Variants in GALNT10 observed in about 807,000 individuals in gnomAD.
GALNT10 encodes GalNAc transferase 10.
In GALNT10, 41 loss-of-function variants were observed where a neutral mutation model predicts 75.0. The observed-to-expected ratio is 0.55, with a 90% confidence interval of 0.43 to 0.71. GALNT10 has a LOEUF of 0.71. Ranked by LOEUF, GALNT10 falls within the 30% of genes least tolerant of loss-of-function variation. GALNT10 has a pLI of 0.00. For synonymous variants in GALNT10, 302 were observed against 313.0 expected (o/e 0.96, Z 0.37); for missense variants, 727 against 818.5 (o/e 0.89, Z 1.36).
At chr5:154,247,494 T>C (rs1336512432) in intron 1 of GALNT10, among the ~76,000 whole-genome samples, 3 of 152,212 alleles carry the variant, frequency 2.0e-5, no homozygotes, top group African/African-American at 7.2e-5. Context: ...CATTGAGCAG[T>C]CGTTTGTAGT....
rs370371473 is a variant in GALNT10 at position 154,412,907 on chromosome 5, G to C, written c.1405G>C (p.Gly469Arg). 72 of 1,612,464 alleles carry C rather than the reference G, an allele frequency of 4.5e-5. No homozygotes were observed. The highest frequency in any genetic ancestry group is 1.6e-4 in the Middle Eastern group (1 of 6,084). The change falls in exon 10 of 12, where the codon GGG becomes CGG. Residue 469 changes from glycine to arginine, a missense_variant. Gly to Arg is a moderately radical substitution (Grantham distance 125, BLOSUM62 -2). Coordinates refer to ENST00000297107, the MANE Select transcript of GALNT10 (RefSeq NM_198321.4). The surrounding 1 kb of genome is among the most constrained non-coding windows in gnomAD (Gnocchi z 4.2). ...AWGEIRNVGT[G>R]LCADTKHGAL... ...CTTTCAGATCCGAAATGTGGGCACA[G>C]GGCTGTGTGCAGACACAAAGCACGG...
intron 6 of GALNT10, among the ~76,000 whole-genome samples, chr5:154,384,531 A>C (rs1274676892): frequency 6.6e-6 from 1 of 152,188 alleles, no homozygotes; most frequent in Non-Finnish European, 1.5e-5. Flanking sequence ...AGCACATGTC[A>C]GTTCATACCA....
At chr5:154,329,253 A>T (rs1256951449) in intron 3 of GALNT10, among the ~76,000 whole-genome samples, 1 of 152,224 alleles carries the variant, frequency 6.6e-6, no homozygotes, top group African/African-American at 2.4e-5. Context: ...TATAGTTCTT[A>T]TTATAAATCA....
At chr5:154,215,607 G>T (rs1411906517) in intron 1 of GALNT10, among the ~76,000 whole-genome samples, 3 of 152,196 alleles carry the variant, frequency 2.0e-5, no homozygotes, top group Admixed American at 6.5e-5. Flanking sequence ...CTGCCTTTTA[G>T]TTCTTCTAGA....
chr5:154,383,971 C>T (rs1755771854), intron 6 of GALNT10, among the ~76,000 whole-genome samples: 1 of 152,184 alleles, frequency 6.6e-6, no homozygotes, highest in Non-Finnish European at 1.5e-5. Flanking sequence ...AAGAAACTTA[C>T]AGTCATGGCA....
At chr5:154,344,205 CTTTCTTTTTT>C (rs1232689063) in intron 4 of GALNT10, among the ~76,000 whole-genome samples, 2 of 99,468 alleles carry the variant, frequency 2.0e-5, no homozygotes, top group African/African-American at 5.8e-5. Flanking sequence ...TTCTTTCTTT[CTTTCTTTTTT>C]TTTTTTTTTT....
intron 4 of GALNT10, among the ~76,000 whole-genome samples, chr5:154,353,645 C>T (rs1476705916): frequency 2.0e-5 from 3 of 152,256 alleles, no homozygotes; most frequent in Non-Finnish European, 4.4e-5. Context: ...GACATGGGCC[C>T]TGCCCTGAGG....
chr5:154,396,445 A>G (rs1308378765), intron 7 of GALNT10, among the ~76,000 whole-genome samples: 1 of 152,192 alleles, frequency 6.6e-6, no homozygotes, highest in Admixed American at 6.5e-5. Flanking sequence ...TGCAGACAAT[A>G]CAAGTGCTGT....
At chr5:154,237,418 C>T (rs1422790) in intron 1 of GALNT10, among the ~76,000 whole-genome samples, 23,684 of 151,938 alleles carry the variant, frequency 0.16, 1,963 homozygotes, top group Non-Finnish European at 0.19. Context: ...CCAGGCTATT[C>T]ATTGTGTGTG....
intron 3 of GALNT10, among the ~76,000 whole-genome samples, chr5:154,306,092 CCTCT>C (rs1344535541): frequency 1.3e-5 from 2 of 152,110 alleles, no homozygotes; most frequent in African/African-American, 2.4e-5. Flanking sequence ...GATTTCAACA[CCTCT>C]CTCTCAATAA....
chr5:154,339,258 G>A (rs898573527), intron 4 of GALNT10, among the ~76,000 whole-genome samples: 1 of 152,154 alleles, frequency 6.6e-6, no homozygotes, highest in African/African-American at 2.4e-5. Context: ...CACATCTCAA[G>A]TATCAGTCTC....
At chr5:154,363,709 G>A (rs1300826997) in intron 4 of GALNT10, among the ~76,000 whole-genome samples, 1 of 152,006 alleles carries the variant, frequency 6.6e-6, no homozygotes, top group Non-Finnish European at 1.5e-5. Flanking sequence ...GGTTTGAGTG[G>A]GAACTTCATG....
intron 4 of GALNT10, among the ~76,000 whole-genome samples, chr5:154,333,252 G>T (rs1754893768): frequency 6.6e-6 from 1 of 152,148 alleles, no homozygotes; most frequent in Middle Eastern, 3.2e-3. Context: ...GGAGCAGTAG[G>T]CAGACTTAAC....
intron 3 of GALNT10, among the ~76,000 whole-genome samples, chr5:154,318,177 T>C (rs1157920344): frequency 2.6e-5 from 4 of 152,178 alleles, no homozygotes; most frequent in African/African-American, 9.6e-5. Flanking sequence ...GTGTAGGAGA[T>C]TCCCCAAGGA....
At chr5:154,405,458 G>T (rs977354609) in intron 8 of GALNT10, among the ~76,000 whole-genome samples, 3 of 152,114 alleles carry the variant, frequency 2.0e-5, no homozygotes, top group East Asian at 1.9e-4. Flanking sequence ...ACACGGGCGG[G>T]GGGTAGGTTC....
intron 3 of GALNT10, among the ~76,000 whole-genome samples, chr5:154,313,400 A>C (rs1033584839): frequency 1.3e-5 from 2 of 152,144 alleles, no homozygotes; most frequent in Admixed American, 1.3e-4. Flanking sequence ...AAAGGAAGGA[A>C]AAGAAAGCAC....
At chr5:154,359,636 T>C (rs1178662681) in intron 4 of GALNT10, among the ~76,000 whole-genome samples, 2 of 151,934 alleles carry the variant, frequency 1.3e-5, no homozygotes, top group African/African-American at 4.8e-5. Context: ...CCAGAGATTC[T>C]TGGGGGGCCA....
intron 1 of GALNT10, among the ~76,000 whole-genome samples, chr5:154,276,853 G>A (rs770773361): frequency 1.3e-5 from 2 of 152,180 alleles, no homozygotes; most frequent in South Asian, 2.1e-4. Flanking sequence ...TTGAAGATGT[G>A]GTGTTTGAAC....
intron 1 of GALNT10, among the ~76,000 whole-genome samples, chr5:154,265,967 A>T (rs576252366): frequency 6.6e-6 from 1 of 152,288 alleles, no homozygotes; most frequent in African/African-American, 2.4e-5. Flanking sequence ...TTAACATGCA[A>T]TGAGAACTTT....
Sources: allele counts gnomAD v4.1 joint callset (sites outside exome capture counted in the v4.1 genomes callset), GRCh38; gene constraint gnomAD v4.1.1; non-coding constraint Gnocchi (gnomAD v3.1); transcripts MANE v1.5; gene names NCBI Gene and HGNC (gene_info 2026-07-23, HGNC 2026-07-21).